The following SOX5 variants were observed in gnomAD, a reference collection of about 807,000 sequenced individuals.
SOX5 encodes transcription factor SOX-5.
In SOX5, 9 loss-of-function variants were observed where a neutral mutation model predicts 92.0. That is an observed-to-expected ratio of 0.10 (90% CI 0.06 to 0.17). The LOEUF is 0.17. SOX5 is among the 10% of genes least tolerant of loss of function. SOX5 has a pLI of 1.00. For missense variants in SOX5, 642 were observed against 944.5 expected, an observed-to-expected ratio of 0.68 and a Z score of 4.20; for synonymous variants, 344 against 336.3, an observed-to-expected ratio of 1.02 and a Z score of -0.25.
intron 1 of SOX5, among the ~76,000 whole-genome samples, chr12:23,899,524 C>T (rs754048742): frequency 9.9e-5 from 15 of 152,042 alleles, no homozygotes; most frequent in African/African-American, 3.4e-4. Context: ...TCTAGGCTGG[C>T]GTATGCTCTT....
At chr12:23,663,750 A>C (rs941798212) in intron 7 of SOX5, among the ~76,000 whole-genome samples, 1 of 152,162 alleles carries the variant, frequency 6.6e-6, no homozygotes, top group Non-Finnish European at 1.5e-5. Flanking sequence ...GAATTTAAAA[A>C]AATCAGAATT....
At chr12:23,901,885 G>A (rs1039877413) in intron 1 of SOX5, among the ~76,000 whole-genome samples, 6 of 152,258 alleles carry the variant, frequency 3.9e-5, no homozygotes, top group Non-Finnish European at 5.9e-5. Flanking sequence ...AGTATGCTTC[G>A]AATATGTCTC....
chr12:23,944,604 T>G (rs1944238128), intron 1 of SOX5, among the ~76,000 whole-genome samples: 1 of 152,110 alleles, frequency 6.6e-6, no homozygotes, highest in Non-Finnish European at 1.5e-5. Flanking sequence ...CATGTCAAAT[T>G]TAAATATTTT....
intron 2 of SOX5, among the ~76,000 whole-genome samples, chr12:24,306,148 G>A (rs1948539203): frequency 6.6e-6 from 1 of 152,176 alleles, no homozygotes; most frequent in Non-Finnish European, 1.5e-5. Flanking sequence ...TCCTGAAAGT[G>A]GAATTCAGGG....
chr12:24,435,147 AG>A (rs759453253), intron 1 of SOX5, among the ~76,000 whole-genome samples: 98 of 152,320 alleles, frequency 6.4e-4, no homozygotes, highest in Non-Finnish European at 1.2e-3. Context: ...TGGGCCTGTG[AG>A]GGAAAAAAAG....
Position 23,939,784 on chromosome 12 carries a change from T to A in SOX5, c.38+9780A>T, listed in dbSNP as rs183205874. Among the ~76,000 whole-genome samples the A allele has an allele frequency of 1.2e-3, 186 of 151,140 alleles. 1 individual carries two copies. The highest frequency in any genetic ancestry group is 2.3e-3 in the Non-Finnish European group (152 of 67,254). On this transcript the variant is annotated intron_variant, in intron 1 of 14. Transcript: ENST00000451604. ...CATACTTCATTGCTTTTTGCTCTAC[T>A]CCCTTGCTTTGCAGAGTTTAACATT...
intron 6 of SOX5, among the ~76,000 whole-genome samples, chr12:23,715,252 T>C (rs2092403824): frequency 6.7e-6 from 1 of 149,736 alleles, no homozygotes; most frequent in South Asian, 2.1e-4. Context: ...TGAGCCGAGA[T>C]AGTGCCACTG....
chr12:23,585,732 G>A (rs1007871186), intron 9 of SOX5, among the ~76,000 whole-genome samples: 5 of 152,006 alleles, frequency 3.3e-5, no homozygotes, highest in Non-Finnish European at 5.9e-5. Context: ...CTAACAAAAA[G>A]CACCCTGAGA....
chr12:24,317,063 C>A (rs536968301), intron 2 of SOX5, among the ~76,000 whole-genome samples: 1 of 152,184 alleles, frequency 6.6e-6, no homozygotes, highest in African/African-American at 2.4e-5. Context: ...AATCATACAA[C>A]CTCAATGTGT....
chr12:23,855,677 G>A (rs1320512882), intron 2 of SOX5, among the ~76,000 whole-genome samples: 1 of 151,996 alleles, frequency 6.6e-6, no homozygotes, highest in Non-Finnish European at 1.5e-5. Context: ...AACAACAATA[G>A]TAATACGAGG....
At chr12:24,320,622 T>A (rs1433661018) in intron 2 of SOX5, among the ~76,000 whole-genome samples, 1 of 152,054 alleles carries the variant, frequency 6.6e-6, no homozygotes, top group Non-Finnish European at 1.5e-5. Context: ...TACCAGCACT[T>A]TGGGAGGCCG....
intron 1 of SOX5, among the ~76,000 whole-genome samples, chr12:24,508,161 A>C (rs1269969750): frequency 6.6e-6 from 1 of 152,148 alleles, no homozygotes. Context: ...GCAGAGACTG[A>C]TGGGGTTAGA....
chr12:24,106,866 A>C lies in SOX5; in HGVS notation c.-2+106477T>G, dbSNP rs114035420. 4.8e-3 allele frequency among the ~76,000 whole-genome samples: 717 copies of C among 150,492 alleles called. 11 individuals carry two copies. The highest frequency in any genetic ancestry group is 0.016 in the African/African-American group (668 of 41,150). Reference sequence around the variant, plus strand: ...AATAGAAGCATATTAGAACTCATTTAAGATTCCAAAGGATGAGAAATACCC... The same window carrying C: ...AATAGAAGCATATTAGAACTCATTTCAGATTCCAAAGGATGAGAAATACCC... On this transcript the variant is annotated intron_variant, in intron 4 of 4. Transcript: ENST00000446891.
chr12:24,120,834 G>A (rs963819846), intron 4 of SOX5, among the ~76,000 whole-genome samples: 2 of 152,142 alleles, frequency 1.3e-5, no homozygotes, highest in Non-Finnish European at 2.9e-5. Flanking sequence ...TTGGATAAAC[G>A]TTGAAAAACT....
chr12:23,983,792 A>C (rs561831842), intron 4 of SOX5, among the ~76,000 whole-genome samples: 1 of 152,300 alleles, frequency 6.6e-6, no homozygotes, highest in African/African-American at 2.4e-5. Flanking sequence ...GTCCTAATTT[A>C]TTATTAGCCA....
intron 4 of SOX5, among the ~76,000 whole-genome samples, chr12:24,045,304 AAT>A (rs936378365): frequency 2.8e-4 from 42 of 152,170 alleles, no homozygotes; most frequent in African/African-American, 9.7e-4. Context: ...AAAGGGATTA[AAT>A]ATTTGAAGTA....
intron 4 of SOX5, among the ~76,000 whole-genome samples, chr12:24,135,920 G>A (rs1054595612): frequency 2.0e-5 from 3 of 152,148 alleles, no homozygotes; most frequent in Admixed American, 6.5e-5. Context: ...TAAAATGGAT[G>A]TATTTCATTT....
At chr12:24,352,684 C>T (rs1169747050) in intron 2 of SOX5, among the ~76,000 whole-genome samples, 1 of 152,220 alleles carries the variant, frequency 6.6e-6, no homozygotes, top group East Asian at 1.9e-4. Context: ...ATCTTCTGTC[C>T]TCTTATTACA....
At chr12:23,837,245 A>ATATATT (rs1361107674) in intron 3 of SOX5, among the ~76,000 whole-genome samples, 1 of 77,996 alleles carries the variant, frequency 1.3e-5, no homozygotes, top group African/African-American at 3.6e-5. Flanking sequence ...TTTATATAAT[A>ATATATT]TATATTTATA....
Sources: allele counts gnomAD v4.1 joint callset (sites outside exome capture counted in the v4.1 genomes callset), GRCh38; gene constraint gnomAD v4.1.1; transcripts MANE v1.5; gene names NCBI Gene and HGNC (gene_info 2026-07-23, HGNC 2026-07-21).